The following TPTE variants were observed in gnomAD, a reference collection of about 807,000 sequenced individuals.
TPTE encodes putative tyrosine-protein phosphatase TPTE.
TPTE carries 59 observed loss-of-function variants against 84.1 expected under a neutral mutation model. The observed-to-expected ratio is 0.70, with a 90% CI of 0.57 to 0.87. The LOEUF is 0.87. TPTE is among the 40% of genes least tolerant of loss of function. TPTE has a pLI of 0.00. For synonymous variants in TPTE, 130 were observed against 223.5 expected, an observed-to-expected ratio of 0.58 and a Z score of 3.73; for missense variants, 382 against 659.6, an observed-to-expected ratio of 0.58 and a Z score of 4.61.
chr21:10,593,009 TTTG>T (rs1600973307), intron 19 of TPTE, among the ~76,000 whole-genome samples: 1 of 152,270 alleles, frequency 6.6e-6, no homozygotes, highest in Non-Finnish European at 1.5e-5. Flanking sequence ...TTAGAAACAT[TTTG>T]TTATGGAAAA....
chr21:10,527,176 C>CAG (rs1388911176), intron 2 of TPTE, among the ~76,000 whole-genome samples, 179 bp from the exon 3 acceptor site: 2 of 152,090 alleles, frequency 1.3e-5, no homozygotes, highest in African/African-American at 4.8e-5. Flanking sequence ...CACACAGACA[C>CAG]ACACACACAC....
At chr21:10,599,735 G>C (rs2075653396) in intron 21 of TPTE, among the ~76,000 whole-genome samples, 2 of 152,310 alleles carry the variant, frequency 1.3e-5, no homozygotes, top group South Asian at 4.1e-4. Context: ...TGAGTAGCTT[G>C]ACCAGCAGAC....
chr21:10,605,457 CA>C lies in TPTE; in HGVS notation c.1566del (p.Ala523HisfsTer19), dbSNP rs764731411. 9.3e-6 allele frequency: 15 copies of C among 1,614,140 alleles called. No homozygotes were observed. In the East Asian group the frequency reaches 1.3e-4, roughly 14 times the overall value. ...PKNELDNLHK[Q>X]KARRIYPSDF... ...AAATGAATTGGATAATCTACATAAACAAAAAGCACGGAGAATTTATCCATCA... is the reference window on the plus strand; with the variant it reads ...AAATGAATTGGATAATCTACATAAACAAAAGCACGGAGAATTTATCCATCA... On this transcript the variant is annotated frameshift_variant, in exon 24 of 24. Coordinates refer to ENST00000618007, the MANE Select transcript of TPTE (RefSeq NM_199261.4). LOFTEE classifies it high-confidence loss of function.
intron 22 of TPTE, among the ~76,000 whole-genome samples, chr21:10,603,236 G>T (rs553620537): frequency 6.6e-6 from 1 of 152,312 alleles, no homozygotes; most frequent in Non-Finnish European, 1.5e-5. Context: ...ATGTAGTTGG[G>T]TATATATAGA....
chr21:10,527,043 T>G (rs1303977028), intron 2 of TPTE, among the ~76,000 whole-genome samples: 1 of 152,310 alleles, frequency 6.6e-6, no homozygotes, highest in Non-Finnish European at 1.5e-5. Flanking sequence ...ACTTATCTAC[T>G]TGTTTATTTC....
At chr21:10,557,057 G>A (rs867320529) in intron 8 of TPTE, among the ~76,000 whole-genome samples, 5 of 152,388 alleles carry the variant, frequency 3.3e-5, no homozygotes, top group Admixed American at 6.5e-5. Context: ...ATTAGATCCT[G>A]TTTGTCAATT....
chr21:10,604,330 T>A (rs1466884161), intron 23 of TPTE, among the ~76,000 whole-genome samples: 287 of 151,592 alleles, frequency 1.9e-3, no homozygotes, highest in African/African-American at 6.6e-3. Flanking sequence ...AAATTGAGAC[T>A]TTTTTTGTGT....
intron 1 of TPTE, among the ~76,000 whole-genome samples, chr21:10,522,747 C>T (rs1476403452): frequency 6.6e-6 from 1 of 152,310 alleles, no homozygotes; most frequent in Admixed American, 6.5e-5. Flanking sequence ...TTAATTCGCA[C>T]ATAATAAATT....
intron 3 of TPTE, among the ~76,000 whole-genome samples, chr21:10,535,700 C>T (rs1458253181): frequency 1.8e-4 from 27 of 152,414 alleles, no homozygotes; most frequent in East Asian, 3.8e-4. Context: ...TAACAGGTGA[C>T]GGAGGAGTGA....
chr21:10,553,483 T>C (rs1209898648), intron 8 of TPTE, among the ~76,000 whole-genome samples: 2 of 152,290 alleles, frequency 1.3e-5, no homozygotes, highest in South Asian at 4.1e-4. Flanking sequence ...TGAATTAAAC[T>C]GTGTGTCTGC....
rs776185298 is a variant in TPTE, at chr21:10,570,471, A to C, written c.731-14A>C. On this transcript the variant is annotated splice_polypyrimidine_tract_variant and intron_variant, in intron 13 of 23. Transcript: ENST00000618007. ...TATAATAATGTTTGTAATAGTGATG[A>C]TTTTGACTTTTAGAACGTATTATTG... The C allele has an allele frequency of 1.2e-6, 2 of 1,614,042 alleles. No individual in the cohort carries two copies. The highest frequency in any genetic ancestry group is 1.1e-5 in the South Asian group (1 of 91,092).
At chr21:10,545,830 CA>C (rs2074456612) in intron 7 of TPTE, among the ~76,000 whole-genome samples, 2 of 151,678 alleles carry the variant, frequency 1.3e-5, no homozygotes, top group Non-Finnish European at 2.9e-5. Flanking sequence ...TCTATATATA[CA>C]TATCTATATA....
chr21:10,523,121 T>A (rs1370594341), intron 1 of TPTE, among the ~76,000 whole-genome samples: 2 of 152,306 alleles, frequency 1.3e-5, no homozygotes, highest in African/African-American at 4.8e-5. Flanking sequence ...GAACACTTGA[T>A]GTAAACTTCT....
intron 3 of TPTE, among the ~76,000 whole-genome samples, chr21:10,536,395 A>C (rs2074265558): frequency 6.6e-6 from 1 of 152,310 alleles, no homozygotes; most frequent in Admixed American, 6.5e-5. Flanking sequence ...TTAGAATTAC[A>C]TGTGTGTCCA....
intron 8 of TPTE, among the ~76,000 whole-genome samples, chr21:10,556,752 T>G (rs2074691951): frequency 6.6e-6 from 1 of 152,310 alleles, no homozygotes. Flanking sequence ...TGTGAGATGG[T>G]ATGTCATTGT....
At chr21:10,598,493 A>G (rs1240201705) in intron 21 of TPTE, among the ~76,000 whole-genome samples, 1 of 152,310 alleles carries the variant, frequency 6.6e-6, no homozygotes, top group Non-Finnish European at 1.5e-5. Context: ...CATGAAAACT[A>G]CTGAGGAGCT....
At chr21:10,570,379 G>GT (rs796280108) in intron 13 of TPTE, 106 bp from the exon 14 acceptor site, 1,651 of 1,572,982 alleles carry the variant, frequency 1.0e-3, no homozygotes, top group African/African-American at 4.4e-3. Context: ...ATCTTAAAAG[G>GT]TTTTTTTTCT....
intron 8 of TPTE, among the ~76,000 whole-genome samples, chr21:10,556,027 A>AT (rs1437813815): frequency 6.6e-6 from 1 of 152,290 alleles, no homozygotes; most frequent in Non-Finnish European, 1.5e-5. Flanking sequence ...ATTTATTTAC[A>AT]TTTTCACCTG....
intron 7 of TPTE, among the ~76,000 whole-genome samples, chr21:10,547,578 A>G (rs1195245508): frequency 6.6e-6 from 1 of 152,312 alleles, no homozygotes; most frequent in Non-Finnish European, 1.5e-5. Context: ...TAGGAGTACA[A>G]GGTGAAGACT....
Sources: gnomAD v4.1 joint callset for allele counts (sites outside exome capture counted in the v4.1 genomes callset) on GRCh38, gnomAD v4.1.1 for gene constraint, MANE v1.5 for transcripts, NCBI Gene and HGNC (gene_info 2026-07-23, HGNC 2026-07-21) for gene names.